MAP3K20: variants seen among roughly 807,000 people sequenced by gnomAD.
MAP3K20 encodes HCCS-4.
Under a neutral mutation model 85.7 loss-of-function variants are expected in MAP3K20, and 40 were observed. That is an observed-to-expected ratio of 0.47 (90% CI 0.36 to 0.61). MAP3K20 has a LOEUF of 0.61. Ranked by LOEUF, MAP3K20 falls within the 20% of genes least tolerant of loss-of-function variation. MAP3K20 has a pLI of 0.00. For synonymous variants in MAP3K20, 325 were observed against 327.7 expected (o/e 0.99, Z 0.09); for missense variants, 817 against 961.7 (o/e 0.85, Z 1.99).
chr2:173,164,199 C>T (rs990287777), intron 2 of MAP3K20, among the ~76,000 whole-genome samples: 13 of 152,260 alleles, frequency 8.5e-5, no homozygotes, highest in African/African-American at 3.1e-4. Flanking sequence ...CCCTTGTGAT[C>T]TGCCCGCCTC....
intron 10 of MAP3K20, chr2:173,212,914 CAG>C (rs1422610509): frequency 6.7e-6 from 1 of 150,234 alleles, no homozygotes; most frequent in African/African-American, 2.5e-5. Context: ...GTGCAATAAA[CAG>C]AGAATTAAAA....
intron 2 of MAP3K20, among the ~76,000 whole-genome samples, chr2:173,158,636 A>G (rs572378650): frequency 2.9e-4 from 44 of 152,364 alleles, no homozygotes; most frequent in Non-Finnish European, 5.6e-4. Flanking sequence ...GATGGAAGAC[A>G]TAGGAATTTA....
intron 3 of MAP3K20, among the ~76,000 whole-genome samples, chr2:173,176,385 TATATTA>T (rs1285585423): frequency 1.3e-5 from 2 of 152,022 alleles, no homozygotes; most frequent in Non-Finnish European, 2.9e-5. Context: ...TGTATGTAGA[TATATTA>T]ATATATCACA....
chr2:173,182,518 CATAAGA>C (rs2106265187), intron 3 of MAP3K20, among the ~76,000 whole-genome samples: 1 of 152,296 alleles, frequency 6.6e-6, no homozygotes, highest in East Asian at 1.9e-4. Flanking sequence ...ATATCTATCT[CATAAGA>C]ATAACAACTT....
rs910137125 is a variant in MAP3K20, at chr2:173,218,285, G to A, written c.987+1035G>A. On this transcript the variant is annotated intron_variant, in intron 11 of 19. Coordinates refer to ENST00000375213, the MANE Select transcript of MAP3K20 (RefSeq NM_016653.3). ...ATAGTTTGTCTCCTTCCCAACTTGT[G>A]TGGAGAAGCAACCTGATATCCAAAA... Among the ~76,000 whole-genome samples, 4 of 152,144 alleles carry A rather than the reference G, an allele frequency of 2.6e-5. No homozygotes were observed. The East Asian group carries it at 5.8e-4, about 22-fold the overall frequency.
chr2:173,209,864 G>C, intron 10 of MAP3K20, 29 bp downstream of exon 10: 1 of 1,584,282 alleles, frequency 6.3e-7, no homozygotes, highest in Non-Finnish European at 8.7e-7. Flanking sequence ...AGGCCACAGC[G>C]TCTGGCTTTC....
rs373976628 is a variant in MAP3K20 at position 173,232,478 on chromosome 2, A to T, written c.1203+19A>T. 1 of 1,607,738 alleles carries T rather than the reference A, an allele frequency of 6.2e-7. No individual in the cohort carries two copies. The highest frequency in any genetic ancestry group is 8.5e-7 in the Non-Finnish European group (1 of 1,178,044). The stretch of plus-strand genomic sequence containing the variant: ...CTTCAAGGTACCTGAGAAAGGGACA[A>T]CATTCCATCAGCAAACCCTTTTTTT... On this transcript the variant is annotated intron_variant, in intron 14 of 19. Transcript: ENST00000375213.
At chr2:173,123,778 A>T (rs1574034616) in intron 2 of MAP3K20, among the ~76,000 whole-genome samples, 1 of 149,464 alleles carries the variant, frequency 6.7e-6, no homozygotes, top group Non-Finnish European at 1.5e-5. Flanking sequence ...CACCCAGTAC[A>T]TTTTTTTTTT....
chr2:173,152,266 A>G (rs1035048606), intron 2 of MAP3K20, among the ~76,000 whole-genome samples: 1 of 152,208 alleles, frequency 6.6e-6, no homozygotes, highest in African/African-American at 2.4e-5. Context: ...ATATTTGTTT[A>G]CATGCAGAAC....
chr2:173,224,812 CTT>C, intron 11 of MAP3K20: 1 of 984,862 alleles, frequency 1.0e-6, no homozygotes, highest in Non-Finnish European at 1.2e-6. Flanking sequence ...ATTTGGAAGA[CTT>C]TAGACTCTAT....
intron 2 of MAP3K20, among the ~76,000 whole-genome samples, chr2:173,094,015 G>A (rs1687383270): frequency 1.3e-5 from 2 of 149,808 alleles, no homozygotes. Flanking sequence ...GGGAGGGATA[G>A]CACTGGGAGA....
intron 11 of MAP3K20, among the ~76,000 whole-genome samples, chr2:173,217,723 G>A (rs554675060): frequency 6.6e-6 from 1 of 152,294 alleles, no homozygotes; most frequent in South Asian, 2.1e-4. Context: ...ACATGCAAAT[G>A]AGAAGCATTA....
intron 11 of MAP3K20, among the ~76,000 whole-genome samples, chr2:173,219,800 G>A (rs1684180269): frequency 1.3e-5 from 2 of 152,130 alleles, no homozygotes; most frequent in South Asian, 2.1e-4. Flanking sequence ...CAGGCGCAGT[G>A]GCTCACACCT....
intron 2 of MAP3K20, among the ~76,000 whole-genome samples, chr2:173,144,462 C>CAAAAAAAAA (rs71018537): frequency 2.4e-4 from 22 of 92,872 alleles, no homozygotes; most frequent in South Asian, 3.7e-4. Context: ...GACTCCGTCT[C>CAAAAAAAAA]AAAAAAAAAA....
intron 1 of MAP3K20, among the ~76,000 whole-genome samples, chr2:173,089,330 G>A (rs555002622): frequency 3.9e-4 from 59 of 152,096 alleles, no homozygotes; most frequent in African/African-American, 1.4e-3. Flanking sequence ...TGTGTGTGTC[G>A]GGGGACAGGG....
At chr2:173,221,797 A>G (rs1684259252) in intron 11 of MAP3K20, 5 of 1,102,562 alleles carry the variant, frequency 4.5e-6, no homozygotes, top group African/African-American at 3.3e-5. Flanking sequence ...TATATACAAT[A>G]TAGGACTTTT....
At chr2:173,081,578 G>A (rs139300430) in intron 1 of MAP3K20, among the ~76,000 whole-genome samples, 4 of 152,292 alleles carry the variant, frequency 2.6e-5, no homozygotes, top group Non-Finnish European at 4.4e-5. Flanking sequence ...GTGGTTATAC[G>A]ATGGCTTTCA....
At chr2:173,155,384 A>C (rs923702291) in intron 2 of MAP3K20, among the ~76,000 whole-genome samples, 2 of 152,210 alleles carry the variant, frequency 1.3e-5, no homozygotes, top group African/African-American at 4.8e-5. Flanking sequence ...CGTCTTTTCC[A>C]GCTAGATAGT....
chr2:173,242,579 T>C (rs1167038456), intron 16 of MAP3K20, among the ~76,000 whole-genome samples: 1 of 152,036 alleles, frequency 6.6e-6, no homozygotes, highest in Non-Finnish European at 1.5e-5. Context: ...CTGAATACAA[T>C]GGTCTGTTTT....
Sources: allele counts gnomAD v4.1 joint callset (sites outside exome capture counted in the v4.1 genomes callset), GRCh38; gene constraint gnomAD v4.1.1; transcripts MANE v1.5; gene names NCBI Gene and HGNC (gene_info 2026-07-23, HGNC 2026-07-21).